Variants in PARG observed in about 807,000 individuals in gnomAD.
PARG encodes mitochondrial poly(ADP-ribose) glycohydrolase.
A neutral mutation model predicts 113.0 loss-of-function variants in PARG; 35 were observed. The ratio of observed to expected loss-of-function variants is 0.31; its 90% CI spans 0.24 to 0.41. The LOEUF (loss-of-function observed/expected upper bound fraction) is 0.41. Ranked by LOEUF, PARG falls within the 10% of genes least tolerant of loss-of-function variation. The pLI is 1.00. For missense variants in PARG, 797 were observed against 1,169.4 expected (o/e 0.68, Z 4.64); for synonymous variants, 330 against 409.9 (o/e 0.81, Z 2.36).
chr10:49,830,227 T>C (rs1368013319), intron 16 of PARG, among the ~76,000 whole-genome samples: 1 of 152,230 alleles, frequency 6.6e-6, no homozygotes, highest in Non-Finnish European at 1.5e-5. Context: ...GACCACGGCT[T>C]ACAGCAGACC....
chr10:49,834,128 T>C (rs1184986174), intron 15 of PARG, among the ~76,000 whole-genome samples: 1 of 152,200 alleles, frequency 6.6e-6, no homozygotes, highest in Non-Finnish European at 1.5e-5. Flanking sequence ...ATTACCTGCA[T>C]AGTCAGATGC....
In PARG at chr10:49,915,965, T is replaced by C. The variant is rs782650004; in HGVS notation, c.1689A>G (p.Ala563=). 9.1e-6 allele frequency: 14 copies of C among 1,543,082 alleles called. No individual in the cohort carries two copies. Among genetic ancestry groups the C allele is most frequent in the South Asian group, 4.8e-5 (4 of 83,942 alleles). Residue 563 remains alanine, a synonymous_variant, in exon 7 of 18, where the codon GCA becomes GCG. Transcript: ENST00000616448. The part of the protein sequence containing the change: ...LKDAILKYNV[A]YSKKWDFTAL... Reference sequence around the variant, plus strand: ...CTGTAAAGTCCCATTTCTTAGAATATGCCACATTGTATTTCAGAATAGCAT... The same window carrying C: ...CTGTAAAGTCCCATTTCTTAGAATACGCCACATTGTATTTCAGAATAGCAT...
At chr10:49,878,111 C>T (rs1847033906) in intron 9 of PARG, among the ~76,000 whole-genome samples, 1 of 151,194 alleles carries the variant, frequency 6.6e-6, no homozygotes, top group African/African-American at 2.4e-5. Context: ...TGGTATTCTC[C>T]CAAAAATGCA....
intron 16 of PARG, among the ~76,000 whole-genome samples, chr10:49,825,510 A>G (rs1554829273): frequency 1.3e-5 from 2 of 152,252 alleles, no homozygotes; most frequent in African/African-American, 4.8e-5. Flanking sequence ...GACAAAAAAG[A>G]AAACTTACCT....
At chr10:49,900,785 C>A (rs576362181) in intron 7 of PARG, among the ~76,000 whole-genome samples, 8 of 151,692 alleles carry the variant, frequency 5.3e-5, no homozygotes, top group Non-Finnish European at 1.0e-4. Flanking sequence ...TATTACTGTA[C>A]GACTACATGG....
rs1453702951 is a variant in PARG, at chr10:49,868,621, G to A, written c.2068+855C>T. On this transcript the variant is annotated intron_variant, in intron 10 of 17. Transcript: ENST00000616448. The stretch of plus-strand genomic sequence containing the variant: ...AAGACATATTTTAAGACAATCCTAT[G>A]ACCCAGAACTGAAAAAAAGCCATTT... 5.9e-5 allele frequency among the ~76,000 whole-genome samples: 9 copies of A among 152,220 alleles called. No individual in the cohort carries two copies. In the East Asian group the frequency reaches 1.7e-3, roughly 29 times the overall value.
chr10:49,840,829 T>C (rs1588884071), intron 15 of PARG, among the ~76,000 whole-genome samples: 1 of 152,222 alleles, frequency 6.6e-6, no homozygotes, highest in Admixed American at 6.5e-5. Flanking sequence ...ACACCATGTA[T>C]AGCCATGTAA....
rs1372307721 is a variant in PARG, at chr10:49,820,260, T to C, written c.2681A>G (p.Glu894Gly). The C allele has an allele frequency of 2.6e-6, 4 of 1,546,118 alleles. No homozygotes were observed. Among genetic ancestry groups the C allele is most frequent in the Non-Finnish European group, 3.5e-6 (4 of 1,141,860 alleles). ...LIQILAAAAA[E>G]RDVVYFTFGD... ...AAAGGTGAAATAAACCACATCTCGC[T>C]CAGCTGCAGCAGCTGCCAATATCTG... The change falls in exon 17 of 18, where the codon GAG (glutamate) becomes GGG (glycine). Residue 894 changes from glutamate (E) to glycine (G), a missense_variant. Transcript: ENST00000616448.
intron 7 of PARG, among the ~76,000 whole-genome samples, chr10:49,911,802 T>C (rs1837203345): frequency 6.6e-6 from 1 of 152,230 alleles, no homozygotes; most frequent in South Asian, 2.1e-4. Flanking sequence ...ACTGTTGACA[T>C]GAACTCCTCT....
chr10:49,885,228 A>C lies in PARG; in HGVS notation c.1805T>G (p.Leu602Arg), dbSNP rs1554840226. ...SILPDMVKIA[L>R]CLPNICTQPI... ...CTGGGTGCAAATATTTGGCAGACAGAGTGCAATTTTCACCATATCAGGCAA... is the reference window on the plus strand; with the variant it reads ...CTGGGTGCAAATATTTGGCAGACAGCGTGCAATTTTCACCATATCAGGCAA... Residue 602 changes from leucine to arginine, a missense_variant, in exon 8 of 18, where the codon CTC becomes CGC. By Grantham distance (102) the Leu-to-Arg change is moderately radical (BLOSUM62 -2). This residue lies in a region of PARG where 252 missense variants were observed against 437.4 expected (regional missense o/e 0.58). Coordinates refer to ENST00000616448, the MANE Select transcript of PARG (RefSeq NM_003631.5). The C allele has an allele frequency of 6.2e-7, 1 of 1,600,068 alleles. No homozygotes were observed. The highest frequency in any genetic ancestry group is 8.6e-7 in the Non-Finnish European group (1 of 1,169,074).
At chr10:49,934,186 A>C in intron 2 of PARG, 23 bp from the exon 3 acceptor site, 1 of 894,918 alleles carries the variant, frequency 1.1e-6, no homozygotes, top group South Asian at 1.4e-5. Flanking sequence ...AGAAAGAACT[A>C]AAAACAACTT....
intron 1 of PARG, among the ~76,000 whole-genome samples, chr10:49,936,697 T>C (rs1838759762): frequency 6.6e-6 from 1 of 152,164 alleles, no homozygotes; most frequent in African/African-American, 2.4e-5. Flanking sequence ...GTAAGAATCT[T>C]AGCATCCTAA....
At chr10:49,824,767 T>A (rs1844269112) in intron 16 of PARG, among the ~76,000 whole-genome samples, 2 of 152,132 alleles carry the variant, frequency 1.3e-5, no homozygotes. Flanking sequence ...AACAAGAGAA[T>A]TATTATTTCC....
In PARG at chr10:49,857,378, T is replaced by C. The variant is rs782117065; in HGVS notation, c.2281A>G (p.Ile761Val). The C allele has an allele frequency of 5.7e-4, 880 of 1,535,542 alleles. 1 individual carries two copies. The highest frequency in any genetic ancestry group is 6.9e-4 in the Middle Eastern group (4 of 5,818). The change falls in exon 13 of 18, where the codon ATC becomes GTC. Residue 761 changes from isoleucine (I) to valine (V), a missense_variant. Around this residue, in one of 5 missense-constraint regions of PARG, gnomAD observed 40 missense variants for 124.5 expected, o/e 0.32. Coordinates refer to ENST00000616448, the MANE Select transcript of PARG (RefSeq NM_003631.5). ...CGTGAAATAATCAACTCAGGATTGA[T>C]TAAAAAGCGGATTTCTTCTTGCACA... ...GLVQEEIRFL[I>V]NPELIISRLF...
intron 4 of PARG, among the ~76,000 whole-genome samples, chr10:49,923,677 G>T (rs1398162602): frequency 2.6e-5 from 4 of 151,564 alleles, no homozygotes; most frequent in Non-Finnish European, 4.4e-5. Flanking sequence ...TCACCCAATA[G>T]ATAGAAAAAT....
At chr10:49,856,589 T>G (rs1364653357) in intron 13 of PARG, among the ~76,000 whole-genome samples, 1 of 152,242 alleles carries the variant, frequency 6.6e-6, no homozygotes, top group Admixed American at 6.5e-5. Flanking sequence ...GTCTTCATAC[T>G]AAAGTACAAG....
intron 1 of PARG, among the ~76,000 whole-genome samples, chr10:49,938,727 C>CA: frequency 6.6e-6 from 1 of 151,732 alleles, no homozygotes; most frequent in Non-Finnish European, 1.5e-5. Context: ...GCATGCCCAG[C>CA]AAAATTAGCG....
At chr10:49,910,981 G>A (rs1316690089) in intron 7 of PARG, among the ~76,000 whole-genome samples, 8 of 152,088 alleles carry the variant, frequency 5.3e-5, no homozygotes, top group African/African-American at 1.7e-4. Flanking sequence ...TGCCACAGGT[G>A]TTGTAAAAGA....
chr10:49,897,864 C>T, intron 7 of PARG, among the ~76,000 whole-genome samples: 1 of 152,148 alleles, frequency 6.6e-6, no homozygotes, highest in Non-Finnish European at 1.5e-5. Context: ...TTGTGGCCCA[C>T]ACCTGTAGTC....
Sources: gnomAD v4.1 joint callset for allele counts (sites outside exome capture counted in the v4.1 genomes callset) on GRCh38, gnomAD v4.1.1 for gene constraint, gnomAD v4.1.1 regional missense constraint, MANE v1.5 for transcripts, NCBI Gene and HGNC (gene_info 2026-07-23, HGNC 2026-07-21) for gene names.